Variants in AFF4 observed in about 807,000 individuals in gnomAD.
AFF4 encodes the protein AF4/FMR2 family member 4.
Under a neutral mutation model 124.8 loss-of-function variants are expected in AFF4, and 13 were observed. The observed-to-expected ratio is 0.10, with a 90% CI of 0.07 to 0.17. The LOEUF (loss-of-function observed/expected upper bound fraction) is 0.17. AFF4 is among the 10% of genes least tolerant of loss of function. The pLI, the probability that AFF4 is intolerant of heterozygous loss-of-function variation, is 1.00. For synonymous variants in AFF4, 477 were observed against 496.1 expected, an observed-to-expected ratio of 0.96 and a Z score of 0.51; for missense variants, 1,092 against 1,403.8, an observed-to-expected ratio of 0.78 and a Z score of 3.55.
chr5:132,958,408 G>A (rs929341893), intron 1 of AFF4, among the ~76,000 whole-genome samples: 18 of 141,446 alleles, frequency 1.3e-4, no homozygotes, highest in Admixed American at 5.9e-4. Flanking sequence ...AGAGGTTGCA[G>A]TGAGCCAAGA....
chr5:132,943,535 T>C (rs17691542), intron 1 of AFF4: 21,069 of 178,900 alleles, frequency 0.12, 1,552 homozygotes, highest in South Asian at 0.19. Flanking sequence ...ATTGGTGGTA[T>C]TGGTACTATC....
chr5:132,904,741 A>G (rs1208994939), intron 5 of AFF4, among the ~76,000 whole-genome samples: 1 of 152,180 alleles, frequency 6.6e-6, no homozygotes, highest in African/African-American at 2.4e-5. Flanking sequence ...TAAAGGTAAT[A>G]CCGAAGACAG....
At position 132,892,363 on chromosome 5, in the gene AFF4, G is replaced by A. The variant is rs1397345055; in HGVS notation, c.2438C>T (p.Pro813Leu). The A allele has an allele frequency of 3.1e-6, 5 of 1,613,758 alleles. No homozygotes were observed. Among genetic ancestry groups the A allele is most frequent in the Non-Finnish European group, 4.2e-6 (5 of 1,179,848 alleles). The change falls in exon 13 of 21, where the codon CCT becomes CTT. Residue 813 changes from proline to leucine, a missense_variant. By Grantham distance (98) the Pro-to-Leu change is moderately conservative. Around this residue, in one of 11 missense-constraint regions of AFF4, gnomAD observed 293 missense variants for 280.2 expected, o/e 1.05. Coordinates refer to ENST00000265343, the MANE Select transcript of AFF4 (RefSeq NM_014423.4). The part of the protein sequence containing the change: ...QSAAKEKDLL[P>L]SPAGPVPSKD... ...TGAAGGAACAGGCCCAGCGGGAGAA[G>A]GCAACAAATCCTTTTCTTTTGCAGC...
chr5:132,892,098 T>C (rs1318307864), intron 13 of AFF4, 66 bp downstream of exon 13: 1 of 1,611,338 alleles, frequency 6.2e-7, no homozygotes, highest in Non-Finnish European at 8.5e-7. Context: ...AAGCACAGTG[T>C]CACCCTGGAA....
chr5:132,906,047 C>T (rs917955082), intron 5 of AFF4, among the ~76,000 whole-genome samples: 1 of 152,132 alleles, frequency 6.6e-6, no homozygotes, highest in Admixed American at 6.6e-5. Flanking sequence ...CCTGTCATCA[C>T]GGAAATACAA....
intron 1 of AFF4, among the ~76,000 whole-genome samples, chr5:132,951,283 G>T (rs556508975): frequency 6.6e-6 from 1 of 151,590 alleles, no homozygotes; most frequent in South Asian, 2.1e-4. Context: ...TTCTCAAAAG[G>T]ACTTTTGGTG....
intron 1 of AFF4, among the ~76,000 whole-genome samples, chr5:132,957,385 A>C (rs1469520245): frequency 1.3e-5 from 2 of 151,984 alleles, no homozygotes; most frequent in African/African-American, 4.8e-5. Flanking sequence ...ATTATTTAAA[A>C]TGTTATTTTA....
At chr5:132,922,238 C>T (rs574616880) in intron 5 of AFF4, among the ~76,000 whole-genome samples, 2 of 152,154 alleles carry the variant, frequency 1.3e-5, no homozygotes, top group African/African-American at 4.8e-5. Context: ...AGCAATGTGG[C>T]AAAACCTCGT....
Position 132,875,449 on chromosome 5 carries a change from T to C in AFF4, c.*5610A>G, listed in dbSNP as rs1170798991. Reference sequence around the variant, plus strand: ...TTAAACTTAGTTTCTCCAACTATGGTTTGGCATTGTACAAAGCATCTTAAT... The same window carrying C: ...TTAAACTTAGTTTCTCCAACTATGGCTTGGCATTGTACAAAGCATCTTAAT... On this transcript the variant is annotated 3_prime_UTR_variant, in exon 21 of 21. Transcript: ENST00000265343. 1.6e-5 allele frequency: 3 copies of C among 182,590 alleles called. No homozygotes were observed. The highest frequency in any genetic ancestry group is 7.1e-5 in the African/African-American group (3 of 42,476). The allele number at this position is 182,590 out of a possible 1,614,324, so 11.3% of individuals were successfully genotyped here.
At chr5:132,935,467 A>T (rs1761403062) in intron 2 of AFF4, among the ~76,000 whole-genome samples, 1 of 152,166 alleles carries the variant, frequency 6.6e-6, no homozygotes, top group Non-Finnish European at 1.5e-5. Context: ...TTCTAGCAAA[A>T]ATACAAACGT....
chr5:132,933,352 G>A (rs556573959), intron 3 of AFF4, among the ~76,000 whole-genome samples: 3 of 151,220 alleles, frequency 2.0e-5, no homozygotes, highest in South Asian at 2.1e-4. Flanking sequence ...AGCCGAAATC[G>A]TGCCGTTGCA....
rs1342052410 is a variant in AFF4 at position 132,933,004 on chromosome 5, C to A, written c.919-782G>T. Reference sequence around the variant, plus strand: ...GTTTGCAAAACAGCATTTTACATTACGCAGATTCTTCCTTCCACCATTTTG... The same window carrying A: ...GTTTGCAAAACAGCATTTTACATTAAGCAGATTCTTCCTTCCACCATTTTG... On this transcript the variant is annotated intron_variant, in intron 3 of 20. Coordinates refer to ENST00000265343, the MANE Select transcript of AFF4 (RefSeq NM_014423.4). Among the ~76,000 whole-genome samples, 4 of 152,328 alleles carry A rather than the reference C, an allele frequency of 2.6e-5. No individual in the cohort carries two copies. The South Asian group carries it at 6.2e-4, about 24-fold the overall frequency.
rs1016658917 is a variant in AFF4, at chr5:132,881,666, C to T, written c.3365-480G>A. On this transcript the variant is annotated intron_variant, in intron 20 of 20. Coordinates refer to ENST00000265343, the MANE Select transcript of AFF4 (RefSeq NM_014423.4). Reference sequence around the variant, plus strand: ...GCTACCATCATATGCCATGAACCAACTGATAACTAAATCCCATGTTTTTAT... The same window carrying T: ...GCTACCATCATATGCCATGAACCAATTGATAACTAAATCCCATGTTTTTAT... Among the ~76,000 whole-genome samples the T allele has an allele frequency of 2.0e-5, 3 of 152,108 alleles. No individual in the cohort carries two copies. In the East Asian group the frequency reaches 5.8e-4, roughly 29 times the overall value.
intron 1 of AFF4, among the ~76,000 whole-genome samples, chr5:132,940,779 C>T (rs1221079438): frequency 6.6e-6 from 1 of 152,090 alleles, no homozygotes; most frequent in Non-Finnish European, 1.5e-5. Flanking sequence ...GTAATCCCAG[C>T]ACTTTGGGAG....
chr5:132,889,050 T>C (rs374835110), intron 14 of AFF4, 29 bp downstream of exon 14: 8 of 1,574,948 alleles, frequency 5.1e-6, no homozygotes, highest in Admixed American at 1.7e-5. Context: ...ATTTCTTAAA[T>C]ACAGATACAA....
chr5:132,930,096 T>G (rs979825896), intron 4 of AFF4, among the ~76,000 whole-genome samples: 1 of 152,226 alleles, frequency 6.6e-6, no homozygotes, highest in Non-Finnish European at 1.5e-5. Flanking sequence ...CTGATAAGTA[T>G]GGCTTTAGAC....
chr5:132,904,421 T>C lies in AFF4; in HGVS notation c.1051-17A>G, dbSNP rs55844143. ...CTGAGACTCCTAAGAAAAAGGAACA[T>C]AAAATTATACAAAGTTACACTAAAA... On this transcript the variant is annotated splice_polypyrimidine_tract_variant and intron_variant, in intron 5 of 20. Transcript: ENST00000265343. 4.4e-6 allele frequency: 7 copies of C among 1,600,208 alleles called. No individual in the cohort carries two copies. The highest frequency in any genetic ancestry group is 2.7e-5 in the African/African-American group (2 of 73,964).
chr5:132,876,785 A>C lies in AFF4; in HGVS notation c.*4274T>G, dbSNP rs1759849543. On this transcript the variant is annotated 3_prime_UTR_variant, in exon 21 of 21. Coordinates refer to ENST00000265343, the MANE Select transcript of AFF4 (RefSeq NM_014423.4). ...GCTTTGTAAGACCAGCATCCACTTT[A>C]CAGACTATTAATAATTTACTTTTTG... The C allele has an allele frequency of 5.1e-6, 1 of 197,994 alleles. No homozygotes were observed. The highest frequency in any genetic ancestry group is 1.0e-5 in the Non-Finnish European group (1 of 95,742). The allele number at this position is 197,994 out of a possible 1,614,324, so 12.3% of individuals were successfully genotyped here.
intron 6 of AFF4, 131 bp downstream of exon 6, chr5:132,904,237 A>G (rs1760619483): frequency 9.1e-6 from 8 of 879,792 alleles, no homozygotes; most frequent in South Asian, 6.8e-5. Context: ...AGAAAAAAAA[A>G]AAAAGAAAAC....
Sources: gnomAD v4.1 joint callset for allele counts (sites outside exome capture counted in the v4.1 genomes callset) on GRCh38, gnomAD v4.1.1 for gene constraint, gnomAD v4.1.1 regional missense constraint, MANE v1.5 for transcripts, NCBI Gene and HGNC (gene_info 2026-07-23, HGNC 2026-07-21) for gene names.